ARHGAP31: variants seen among roughly 807,000 people sequenced by gnomAD.
ARHGAP31 encodes Rho GTPase activating protein 31.
Under a neutral mutation model 113.9 loss-of-function variants are expected in ARHGAP31, and 34 were observed. The observed-to-expected ratio is 0.30, with a 90% CI of 0.23 to 0.40. The LOEUF is 0.40. Ranked by LOEUF, ARHGAP31 falls within the 10% of genes least tolerant of loss-of-function variation. The pLI is 1.00. For missense variants in ARHGAP31, 1,548 were observed against 1,767.1 expected (o/e 0.88, Z 2.22); for synonymous variants, 650 against 684.8 (o/e 0.95, Z 0.79).
intron 4 of ARHGAP31, among the ~76,000 whole-genome samples, chr3:119,381,472 A>G (rs2080396336): frequency 1.3e-5 from 2 of 152,132 alleles, no homozygotes; most frequent in African/African-American, 4.8e-5. Context: ...AGTGTTCCCT[A>G]TGCCTGCCCA....
chr3:119,326,945 C>T (rs750489632), intron 1 of ARHGAP31, among the ~76,000 whole-genome samples: 34 of 152,132 alleles, frequency 2.2e-4, no homozygotes, highest in Non-Finnish European at 4.4e-4. Context: ...CAAGACCAGC[C>T]TGGGCAACAC....
intron 8 of ARHGAP31, among the ~76,000 whole-genome samples, chr3:119,396,685 A>G (rs62266700): frequency 0.31 from 47,306 of 152,146 alleles, 8,795 homozygotes; most frequent in East Asian, 0.41. Context: ...GTGGATTAAC[A>G]TATGTAAATA....
At chr3:119,375,690 T>C (rs1445909774) in intron 3 of ARHGAP31, among the ~76,000 whole-genome samples, 1 of 152,204 alleles carries the variant, frequency 6.6e-6, no homozygotes, top group Non-Finnish European at 1.5e-5. Context: ...CTAAAACTAT[T>C]ACACCCAAAA....
In ARHGAP31 at chr3:119,414,782, G is replaced by A. The variant is rs770668799; in HGVS notation, c.2853G>A (p.Gln951=). 1.1e-5 allele frequency: 18 copies of A among 1,614,246 alleles called. No individual in the cohort carries two copies. The East Asian group carries it at 3.6e-4, about 32-fold the overall frequency. ...TTTCCCACAGGCCCAGCCTTCGCCA[G>A]AGCCATTCTCTAGATAGCAAACCCA... The part of the protein sequence containing the change: ...KRLSHRPSLR[Q]SHSLDSKPTV... Residue 951 remains glutamine (Q), a synonymous_variant, in exon 12 of 12, where the codon CAG becomes CAA. Coordinates refer to ENST00000264245, the MANE Select transcript of ARHGAP31 (RefSeq NM_020754.4).
intron 5 of ARHGAP31, 83 bp from the exon 6 acceptor site, chr3:119,383,001 G>A (rs534167488): frequency 2.0e-6 from 3 of 1,516,584 alleles, no homozygotes; most frequent in Non-Finnish European, 2.7e-6. Flanking sequence ...GATGAGCCTT[G>A]TGCAAAAGGC....
intron 1 of ARHGAP31, among the ~76,000 whole-genome samples, chr3:119,353,974 T>C (rs993953324): frequency 6.6e-6 from 1 of 152,130 alleles, no homozygotes; most frequent in African/African-American, 2.4e-5. Flanking sequence ...AGAGACAGCA[T>C]TGACAGCAGA....
At chr3:119,362,900 T>TATTTATTTTAGATAAG (rs2080222122) in intron 1 of ARHGAP31, among the ~76,000 whole-genome samples, 1 of 152,170 alleles carries the variant, frequency 6.6e-6, no homozygotes, top group African/African-American at 2.4e-5. Flanking sequence ...AGATTATACA[T>TATTTATTTTAGATAAG]TTATATTATA....
At chr3:119,302,075 T>A (rs2107593155) in intron 1 of ARHGAP31, among the ~76,000 whole-genome samples, 1 of 152,344 alleles carries the variant, frequency 6.6e-6, no homozygotes, top group African/African-American at 2.4e-5. Flanking sequence ...AGCTTCAAGT[T>A]ATTTTTCTTT....
intron 1 of ARHGAP31, among the ~76,000 whole-genome samples, chr3:119,346,467 C>G (rs1053526908): frequency 6.6e-6 from 1 of 152,190 alleles, no homozygotes; most frequent in Non-Finnish European, 1.5e-5. Flanking sequence ...AGGAAGGGTT[C>G]TCTCTGGCAT....
chr3:119,357,488 A>G (rs906003770), intron 1 of ARHGAP31, among the ~76,000 whole-genome samples: 1 of 152,172 alleles, frequency 6.6e-6, no homozygotes, highest in Non-Finnish European at 1.5e-5. Context: ...CAGATTGTGG[A>G]AAACCTCCTA....
intron 1 of ARHGAP31, among the ~76,000 whole-genome samples, chr3:119,307,902 A>C (rs1482267664): frequency 7.7e-6 from 1 of 129,378 alleles, no homozygotes; most frequent in African/African-American, 3.0e-5. Context: ...GAATGAGGTA[A>C]ATCTGGCTTG....
chr3:119,355,853 T>C (rs1258404165), intron 1 of ARHGAP31, among the ~76,000 whole-genome samples: 4 of 152,222 alleles, frequency 2.6e-5, no homozygotes, highest in African/African-American at 7.2e-5. Context: ...CCATGGTGTA[T>C]ATGTGCCACA....
intron 6 of ARHGAP31, among the ~76,000 whole-genome samples, chr3:119,390,128 G>A (rs997325568): frequency 2.6e-5 from 4 of 152,028 alleles, no homozygotes; most frequent in Admixed American, 2.6e-4. Context: ...ATCAGCGATT[G>A]TCATCATCAC....
intron 1 of ARHGAP31, among the ~76,000 whole-genome samples, chr3:119,345,112 G>A (rs2080044741): frequency 6.6e-6 from 1 of 151,664 alleles, no homozygotes; most frequent in Non-Finnish European, 1.5e-5. Context: ...AGCCTCCTGA[G>A]TAACTGGGAC....
At chr3:119,405,272 T>C (rs2080649747) in intron 10 of ARHGAP31, among the ~76,000 whole-genome samples, 1 of 152,134 alleles carries the variant, frequency 6.6e-6, no homozygotes, top group African/African-American at 2.4e-5. Flanking sequence ...TGCTATAATA[T>C]AGAAAATAAA....
chr3:119,396,974 G>A (rs2080555760), intron 8 of ARHGAP31, among the ~76,000 whole-genome samples: 1 of 152,186 alleles, frequency 6.6e-6, no homozygotes. Flanking sequence ...AAAATGAACT[G>A]TGAGCAGAGA....
chr3:119,327,072 G>C (rs538593945), intron 1 of ARHGAP31, among the ~76,000 whole-genome samples: 1 of 152,142 alleles, frequency 6.6e-6, no homozygotes, highest in East Asian at 1.9e-4. Context: ...TCCAGGAGAC[G>C]GAGGTTGTAG....
rs751994811 is a variant in ARHGAP31 at position 119,409,595 on chromosome 3, C to T, written c.1745C>T (p.Ala582Val). 1 of 1,614,042 alleles carries T rather than the reference C, an allele frequency of 6.2e-7. No homozygotes were observed. The highest frequency in any genetic ancestry group is 1.7e-5 in the Admixed American group (1 of 60,014). The part of the protein sequence containing the change: ...CSKGLSQEPG[A>V]HLEEKKTPES... The stretch of plus-strand genomic sequence containing the variant: ...AAAGGCCTGTCCCAGGAGCCAGGCG[C>T]CCACCTGGAGGAGAAGAAAACCCCA... Residue 582 changes from alanine to valine, a missense_variant, in exon 11 of 12, where the codon GCC (alanine) becomes GTC (valine). Physicochemically the swap from Ala to Val is moderately conservative, Grantham distance 64. Transcript: ENST00000264245.
chr3:119,337,527 T>G (rs2079968268), intron 1 of ARHGAP31, among the ~76,000 whole-genome samples: 1 of 152,184 alleles, frequency 6.6e-6, no homozygotes, highest in African/African-American at 2.4e-5. Context: ...TTTGCCACTG[T>G]GGGTGCCAGT....
Sources: allele counts gnomAD v4.1 joint callset (sites outside exome capture counted in the v4.1 genomes callset), GRCh38; gene constraint gnomAD v4.1.1; transcripts MANE v1.5; gene names NCBI Gene and HGNC (gene_info 2026-07-23, HGNC 2026-07-21).